The following CLCNKB variants were observed in gnomAD, a reference collection of about 807,000 sequenced individuals.
CLCNKB encodes chloride channel protein ClC-Kb.
In CLCNKB, 74 loss-of-function variants were observed where a neutral mutation model predicts 83.8. The ratio of observed to expected loss-of-function variants is 0.88; its 90% CI spans 0.73 to 1.07. The LOEUF is 1.07. Among genes scored for constraint, CLCNKB ranks in the 50% least tolerant of loss-of-function variants. The pLI, the probability that CLCNKB is intolerant of heterozygous loss-of-function variation, is 0.00. For missense variants in CLCNKB, 798 were observed against 893.6 expected (o/e 0.89, Z 1.36); for synonymous variants, 358 against 356.6 (o/e 1.00, Z -0.04).
At position 16,051,545 on chromosome 1, in the gene CLCNKB, A is replaced by C. The variant is rs748452721; in HGVS notation, c.1295A>C (p.Tyr432Ser). The C allele has an allele frequency of 8.7e-6, 14 of 1,613,968 alleles. No homozygotes were observed. The South Asian group carries it at 1.5e-4, about 18-fold the overall frequency. Reference sequence around the variant, plus strand: ...GGGTACTTCATGCCCATCTTTGTCTATGGTGAGTCTGGGGTCCTGAGGTTC... The same window carrying C: ...GGGTACTTCATGCCCATCTTTGTCTCTGGTGAGTCTGGGGTCCTGAGGTTC... ...PAGYFMPIFV[Y>S]GAAIGRLFGE... is the part of the protein sequence containing the mutation. The change falls in exon 13 of 20, where the codon TAT (tyrosine) becomes TCT (serine). Residue 432 changes from tyrosine to serine, a missense_variant and splice_region_variant. By Grantham distance (144) the Tyr-to-Ser change is moderately radical (BLOSUM62 -2). Coordinates refer to ENST00000375679, the MANE Select transcript of CLCNKB (RefSeq NM_000085.5).
At chr1:16,056,258 T>C (rs1172689815) in intron 18 of CLCNKB, among the ~76,000 whole-genome samples, 164 bp from the exon 19 acceptor site, 2 of 152,104 alleles carry the variant, frequency 1.3e-5, no homozygotes, top group African/African-American at 4.8e-5. Context: ...GCATGGACTC[T>C]GGCATCCCCC....
intron 2 of CLCNKB, 107 bp from the exon 3 acceptor site, chr1:16,045,451 C>T (rs1325047245): frequency 7.2e-7 from 1 of 1,380,084 alleles, no homozygotes; most frequent in Admixed American, 1.8e-5. Context: ...CACCAAGCTC[C>T]ATCCCCCTGC....
chr1:16,048,305 C>G (rs760234275), intron 5 of CLCNKB, 38 bp from the exon 6 acceptor site: 2 of 1,609,756 alleles, frequency 1.2e-6, no homozygotes, highest in South Asian at 1.1e-5. Flanking sequence ...GTCTCTGCTG[C>G]CCTCACCTGG....
rs34652156 is a variant in CLCNKB at position 16,052,244 on chromosome 1, G to A, written c.1455G>A (p.Ala485=). Residue 485 remains alanine, a synonymous_variant, in exon 15 of 20, where the codon GCG becomes GCA. Transcript: ENST00000375679. ...SGAVTHTIST[A]LLAFEVTGQI... ...CTGTGACCCACACCATCTCCACGGC[G>A]CTGCTGGCCTTCGAGGTGACCGGCC... The A allele has an allele frequency of 0.029, 47,201 of 1,613,216 alleles. 899 individuals carry two copies. The highest frequency in any genetic ancestry group is 0.058 in the African/African-American group (4,371 of 75,024).
intron 16 of CLCNKB, among the ~76,000 whole-genome samples, chr1:16,054,679 C>T (rs2023388852): frequency 2.6e-5 from 4 of 152,052 alleles, no homozygotes; most frequent in South Asian, 4.2e-4. Flanking sequence ...TGTTTGCATT[C>T]GGATGACCCC....
Position 16,044,571 on chromosome 1 carries a change from C to T in CLCNKB, c.79C>T (p.Arg27Cys), listed in dbSNP as rs370236747. 8 of 1,604,170 alleles carry T rather than the reference C, an allele frequency of 5.0e-6. No homozygotes were observed. The highest frequency in any genetic ancestry group is 1.7e-5 in the Admixed American group (1 of 58,316). The change falls in exon 2 of 20, where the codon CGC (arginine) becomes TGC (cysteine). Residue 27 changes from arginine to cysteine, a missense_variant. Arg to Cys is a radical substitution (Grantham distance 180). Coordinates refer to ENST00000375679, the MANE Select transcript of CLCNKB (RefSeq NM_000085.5). ...TLQELWGPCP[R>C]IRRGIRGGLE... is the part of the protein sequence containing the mutation. ...GCAGGAGCTGTGGGGCCCCTGTCCC[C>T]GCATCCGCCGAGGCATCCGAGGTGA...
rs34476179 is a variant in CLCNKB at position 16,044,459 on chromosome 1, G to T, written c.-7-27G>T. Reference sequence around the variant, plus strand: ...GCGAGGACGTGCAGCAGCTCACCGCGGTCCCTCCCTCTATCCGCTTCTCCA... The same window carrying T: ...GCGAGGACGTGCAGCAGCTCACCGCTGTCCCTCCCTCTATCCGCTTCTCCA... On this transcript the variant is annotated intron_variant, in intron 1 of 19. Coordinates refer to ENST00000375679, the MANE Select transcript of CLCNKB (RefSeq NM_000085.5). 244 of 1,564,436 alleles carry T rather than the reference G, an allele frequency of 1.6e-4. 3 individuals are homozygous for T. The South Asian group carries it at 2.7e-3, about 18-fold the overall frequency.
At chr1:16,044,646 C>A in intron 2 of CLCNKB, 54 bp downstream of exon 2, 1 of 1,438,270 alleles carries the variant, frequency 7.0e-7, no homozygotes, top group South Asian at 1.2e-5. Flanking sequence ...GGACATCATT[C>A]CTGCCCAGCT....
At chr1:16,049,512 C>T in intron 8 of CLCNKB, 106 bp from the exon 9 acceptor site, 1 of 1,442,736 alleles carries the variant, frequency 6.9e-7, no homozygotes, top group South Asian at 1.2e-5. Flanking sequence ...GACACAGATT[C>T]CGAGTCAGGA....
At position 16,053,638 on chromosome 1, in the gene CLCNKB, G is replaced by A. The variant is rs1165833947; in HGVS notation, c.1623-1G>A. The A allele has an allele frequency of 1.2e-6, 2 of 1,613,844 alleles. No individual in the cohort carries two copies. Among genetic ancestry groups the A allele is most frequent in the African/African-American group, 2.7e-5 (2 of 74,914 alleles). On this transcript the variant is annotated splice_acceptor_variant, in intron 15 of 19. Coordinates refer to ENST00000375679, the MANE Select transcript of CLCNKB (RefSeq NM_000085.5). LOFTEE classifies it high-confidence loss of function. ...CCTGATGGGAGCCCCTCTGCCTGCA[G>A]TTCCCACCGCGTGAGGGTGGAGCAC...
chr1:16,044,351 T>TCACATACACACACA (rs1553127087), intron 1 of CLCNKB, 135 bp from the exon 2 acceptor site: 1 of 144,702 alleles, frequency 6.9e-6, no homozygotes, highest in Non-Finnish European at 1.4e-5. Context: ...TGTGATAACT[T>TCACATACACACACA]CACATACACA....
At chr1:16,055,650 A>ACCTGTAACCCTTCCCCACC in intron 17 of CLCNKB, 25 bp from the exon 18 acceptor site, 1 of 1,612,772 alleles carries the variant, frequency 6.2e-7, no homozygotes. Context: ...CCAGCCCTGC[A>ACCTGTAACCCTTCCCCACC]CCTGTAACCC....
chr1:16,055,388 T>C, intron 16 of CLCNKB, 47 bp from the exon 17 acceptor site: 1 of 1,487,984 alleles, frequency 6.7e-7, no homozygotes, highest in Non-Finnish European at 9.4e-7. Flanking sequence ...TGTGAGTCCC[T>C]GTTTCCTCCT....
Position 16,057,097 on chromosome 1 carries a change from G to C in CLCNKB, c.*181G>C. The C allele has an allele frequency of 1.4e-6, 1 of 709,054 alleles. No homozygotes were observed. Among genetic ancestry groups the C allele is most frequent in the Middle Eastern group, 2.4e-4 (1 of 4,122 alleles). The allele number at this position is 709,054 out of a possible 1,614,324, so 43.9% of individuals were successfully genotyped here. Reference sequence around the variant, plus strand: ...ATGGCTCATCCTGGGTGGGACGATGGCTCCTGCCTTGAAAGACAAAAATCC... The same window carrying C: ...ATGGCTCATCCTGGGTGGGACGATGCCTCCTGCCTTGAAAGACAAAAATCC... On this transcript the variant is annotated 3_prime_UTR_variant, in exon 20 of 20. Transcript: ENST00000375679.
chr1:16,055,669 C>G lies in CLCNKB; in HGVS notation c.1846-6C>G. ...CCCTGCACCTGTAACCCTTCCCCACCCCCAGCAGTGTCTCCAGGACATCTT... is the reference window on the plus strand; with the variant it reads ...CCCTGCACCTGTAACCCTTCCCCACGCCCAGCAGTGTCTCCAGGACATCTT... On this transcript the variant is annotated splice_region_variant and splice_polypyrimidine_tract_variant and intron_variant, in intron 17 of 19. Transcript: ENST00000375679. The G allele has an allele frequency of 6.2e-7, 1 of 1,613,736 alleles. No homozygotes were observed. The highest frequency in any genetic ancestry group is 8.5e-7 in the Non-Finnish European group (1 of 1,179,962).
rs35708002 is a variant in CLCNKB, at chr1:16,053,898, G to A, written c.1756+126G>A. On this transcript the variant is annotated intron_variant, in intron 16 of 19. Transcript: ENST00000375679. ...CTTAGCAACCAACCGTGTGACCTTG[G>A]GCAAGTCACATCACCTGAGCCTCAG... 147,298 of 1,257,866 alleles carry A rather than the reference G, an allele frequency of 0.12. 9,894 individuals are homozygous for A. Among genetic ancestry groups the A allele is most frequent in the African/African-American group, 0.12 (8,554 of 68,754 alleles). The allele number at this position is 1,257,866 out of a possible 1,614,324, so 77.9% of individuals were successfully genotyped here. A position where few individuals can be genotyped will look rare whatever the true frequency, so the allele number is the denominator to read the frequency against.
Position 16,055,621 on chromosome 1 carries a change from G to A in CLCNKB, c.1846-54G>A. ...ATATCCTGAGGGAGAGGTGGTCAGA[G>A]AGAGGCATCCTGGGGAGGCCAGCCC... is the stretch of plus-strand genomic sequence containing the variant. On this transcript the variant is annotated intron_variant, in intron 17 of 19. Coordinates refer to ENST00000375679, the MANE Select transcript of CLCNKB (RefSeq NM_000085.5). 3 of 1,603,146 alleles carry A rather than the reference G, an allele frequency of 1.9e-6. No homozygotes were observed. In the East Asian group the frequency reaches 6.7e-5, roughly 36 times the overall value.
At position 16,049,111 on chromosome 1, in the gene CLCNKB, C is replaced by T. The variant is rs201510495; in HGVS notation, c.656-9C>T. ...TGGAGGGCCCACCTGAGATCAGTGT[C>T]GCCCCCAGGCGTCCTGTTCAGCATC... On this transcript the variant is annotated splice_polypyrimidine_tract_variant and intron_variant, in intron 7 of 19. Transcript: ENST00000375679. The T allele has an allele frequency of 1.2e-4, 192 of 1,613,568 alleles. 1 individual carries two copies. The highest frequency in any genetic ancestry group is 1.1e-4 in the Non-Finnish European group (134 of 1,179,998).
Position 16,047,121 on chromosome 1 carries a change from G to A in CLCNKB, c.358+458G>A, listed in dbSNP as rs111496009. Among the ~76,000 whole-genome samples, 477 of 152,270 alleles carry A rather than the reference G, an allele frequency of 3.1e-3. 5 individuals are homozygous for A. The highest frequency in any genetic ancestry group is 0.011 in the African/African-American group (457 of 41,532). ...AACTCACATTCCCTCTGTGATGCTC[G>A]GTGTCCAAATCTGCTAAATGAGTTT... On this transcript the variant is annotated intron_variant, in intron 4 of 19. Coordinates refer to ENST00000375679, the MANE Select transcript of CLCNKB (RefSeq NM_000085.5).
Sources: allele counts gnomAD v4.1 joint callset (sites outside exome capture counted in the v4.1 genomes callset), GRCh38; gene constraint gnomAD v4.1.1; transcripts MANE v1.5; gene names NCBI Gene and HGNC (gene_info 2026-07-23, HGNC 2026-07-21).